The following RSRC1 variants were observed in gnomAD, a reference collection of about 807,000 sequenced individuals.
RSRC1 encodes the protein serine/Arginine-related protein 53.
Under a neutral mutation model 49.1 loss-of-function variants are expected in RSRC1, and 39 were observed. That is an observed-to-expected ratio of 0.79 (90% CI 0.61 to 1.04). The LOEUF (loss-of-function observed/expected upper bound fraction) is 1.04. Among genes scored for constraint, RSRC1 ranks in the 50% least tolerant of loss-of-function variants. The probability of loss-of-function intolerance (pLI) is 0.00; values close to 1 mark genes in which losing one functional copy is unlikely to be tolerated. For synonymous variants in RSRC1, 143 were observed against 130.8 expected (o/e 1.09, Z -0.63); for missense variants, 388 against 402.4 (o/e 0.96, Z 0.31).
At chr3:158,442,090 A>T (rs1399799793) in intron 6 of RSRC1, among the ~76,000 whole-genome samples, 1 of 152,142 alleles carries the variant, frequency 6.6e-6, no homozygotes, top group East Asian at 1.9e-4. Flanking sequence ...TTATTACTAA[A>T]ACATGCTGAC....
chr3:158,267,354 A>G (rs998595198), intron 4 of RSRC1, among the ~76,000 whole-genome samples: 6 of 152,000 alleles, frequency 3.9e-5, no homozygotes, highest in African/African-American at 1.4e-4. Context: ...TGAAAAGCTC[A>G]CTTTTCAGTG....
chr3:158,205,622 T>C (rs142829238), intron 4 of RSRC1, among the ~76,000 whole-genome samples: 6 of 152,244 alleles, frequency 3.9e-5, no homozygotes, highest in Admixed American at 2.0e-4. Context: ...TAAAAAGAGC[T>C]GTGGAAACAC....
At chr3:158,425,883 A>G (rs1322299805) in intron 6 of RSRC1, among the ~76,000 whole-genome samples, 1 of 151,804 alleles carries the variant, frequency 6.6e-6, no homozygotes, top group Non-Finnish European at 1.5e-5. Flanking sequence ...GAGAAGAAAG[A>G]GGAGCGGTGG....
intron 4 of RSRC1, among the ~76,000 whole-genome samples, chr3:158,223,544 C>G (rs1722340835): frequency 6.6e-6 from 1 of 151,190 alleles, no homozygotes; most frequent in Non-Finnish European, 1.5e-5. Context: ...TGATACAGAC[C>G]AAGCCCGTCA....
intron 8 of RSRC1, among the ~76,000 whole-genome samples, chr3:158,542,210 T>G (rs1003516809): frequency 6.6e-6 from 1 of 152,206 alleles, no homozygotes; most frequent in Non-Finnish European, 1.5e-5. Flanking sequence ...GAAGTACTGA[T>G]ACATGCTGCA....
At chr3:158,146,507 G>A (rs1717127255) in intron 3 of RSRC1, among the ~76,000 whole-genome samples, 1 of 152,166 alleles carries the variant, frequency 6.6e-6, no homozygotes, top group Admixed American at 6.5e-5. Flanking sequence ...TAAGCTTTTT[G>A]ATGTGCTGCT....
At chr3:158,281,309 T>C (rs1726151514) in intron 4 of RSRC1, among the ~76,000 whole-genome samples, 1 of 151,846 alleles carries the variant, frequency 6.6e-6, no homozygotes. Flanking sequence ...AATTTAGTTT[T>C]GGATCTATTG....
At chr3:158,351,748 G>A (rs768755589) in intron 5 of RSRC1, among the ~76,000 whole-genome samples, 1 of 151,602 alleles carries the variant, frequency 6.6e-6, no homozygotes, top group Non-Finnish European at 1.5e-5. Flanking sequence ...ACAAGTAGAG[G>A]CAAGTTACTA....
intron 6 of RSRC1, among the ~76,000 whole-genome samples, chr3:158,372,886 G>A (rs1015799935): frequency 4.0e-5 from 6 of 151,584 alleles, no homozygotes; most frequent in Non-Finnish European, 7.4e-5. Context: ...GAGATTTGTC[G>A]TTTCCAGCAC....
At chr3:158,181,184 C>T (rs1719605188) in intron 3 of RSRC1, among the ~76,000 whole-genome samples, 1 of 152,182 alleles carries the variant, frequency 6.6e-6, no homozygotes, top group African/African-American at 2.4e-5. Flanking sequence ...ATCAGCAAAA[C>T]TATTTCTGTT....
chr3:158,281,573 A>G (rs1156315791), intron 4 of RSRC1, among the ~76,000 whole-genome samples: 1 of 152,160 alleles, frequency 6.6e-6, no homozygotes, highest in African/African-American at 2.4e-5. Context: ...AGACTTGAAG[A>G]GCCATTTTTT....
At chr3:158,435,128 A>T (rs1367771361) in intron 6 of RSRC1, among the ~76,000 whole-genome samples, 1 of 151,874 alleles carries the variant, frequency 6.6e-6, no homozygotes, top group Non-Finnish European at 1.5e-5. Context: ...AGACTGACTG[A>T]TTTGTAGTTT....
chr3:158,264,991 T>G (rs1725090185), intron 4 of RSRC1, among the ~76,000 whole-genome samples: 1 of 152,248 alleles, frequency 6.6e-6, no homozygotes, highest in Non-Finnish European at 1.5e-5. Context: ...TGCCCTGATC[T>G]GTCTCTGTGC....
At chr3:158,119,351 GTTTGT>G (rs1189368673) in intron 1 of RSRC1, among the ~76,000 whole-genome samples, 7 of 152,116 alleles carry the variant, frequency 4.6e-5, no homozygotes, top group Non-Finnish European at 8.8e-5. Context: ...CTTGCCAAAA[GTTTGT>G]TGACATATCT....
intron 5 of RSRC1, among the ~76,000 whole-genome samples, chr3:158,348,659 C>T (rs143629021): frequency 1.3e-5 from 2 of 151,820 alleles, no homozygotes; most frequent in Non-Finnish European, 2.9e-5. Context: ...ATGGTGGGAT[C>T]GGGCTTCTAG....
chr3:158,385,041 A>G lies in RSRC1; in HGVS notation c.583+30133A>G, dbSNP rs538806592. Among the ~76,000 whole-genome samples, 10 of 152,276 alleles carry G rather than the reference A, an allele frequency of 6.6e-5. No homozygotes were observed. In the East Asian group the frequency reaches 1.9e-3, roughly 29 times the overall value. The stretch of plus-strand genomic sequence containing the variant: ...GAAGGAGAAGGAAAAGGAAAAATAA[A>G]TTTATTTTAGTAAATACAATGAAAT... On this transcript the variant is annotated intron_variant, in intron 6 of 9. Coordinates refer to ENST00000611884, the MANE Select transcript of RSRC1 (RefSeq NM_001271838.2).
intron 6 of RSRC1, among the ~76,000 whole-genome samples, chr3:158,373,561 C>T (rs1216178592): frequency 1.3e-5 from 2 of 151,914 alleles, no homozygotes; most frequent in Non-Finnish European, 2.9e-5. Flanking sequence ...AACAATCTTA[C>T]ATTCCTGGGA....
At chr3:158,453,234 C>CCTGGGAG in intron 6 of RSRC1, among the ~76,000 whole-genome samples, 2 of 151,474 alleles carry the variant, frequency 1.3e-5, no homozygotes, top group African/African-American at 2.4e-5. Context: ...AACTCTTGTG[C>CCTGGGAG]ACACATTTTC....
chr3:158,265,756 C>T (rs1260531769), intron 4 of RSRC1, among the ~76,000 whole-genome samples: 1 of 152,102 alleles, frequency 6.6e-6, no homozygotes, highest in African/African-American at 2.4e-5. Flanking sequence ...TGCAATTTAT[C>T]AGCTTTTTTC....
Sources: gnomAD v4.1 joint callset for allele counts (sites outside exome capture counted in the v4.1 genomes callset) on GRCh38, gnomAD v4.1.1 for gene constraint, MANE v1.5 for transcripts, NCBI Gene and HGNC (gene_info 2026-07-23, HGNC 2026-07-21) for gene names.